Variants in FAF1 observed in about 807,000 individuals in gnomAD.
FAF1 encodes Fas associated factor 1, also known as FAS-associated factor 1.
FAF1 carries 25 observed loss-of-function variants against 92.5 expected under a neutral mutation model. The observed-to-expected ratio is 0.27, with a 90% CI of 0.20 to 0.38. FAF1 has a LOEUF of 0.38. FAF1 is among the 10% of genes least tolerant of loss of function. FAF1 has a pLI of 1.00. For synonymous variants in FAF1, 234 were observed against 273.2 expected (o/e 0.86, Z 1.42); for missense variants, 636 against 793.3 (o/e 0.80, Z 2.38).
intron 2 of FAF1, among the ~76,000 whole-genome samples, chr1:50,823,430 A>T (rs962242029): frequency 6.6e-6 from 1 of 152,206 alleles, no homozygotes; most frequent in Non-Finnish European, 1.5e-5. Flanking sequence ...TAAAATATCT[A>T]CAATATTAAG....
At chr1:50,664,524 C>T (rs1256616662) in intron 7 of FAF1, among the ~76,000 whole-genome samples, 1 of 149,230 alleles carries the variant, frequency 6.7e-6, no homozygotes, top group African/African-American at 2.6e-5. Flanking sequence ...GGGGCGGTGG[C>T]TCATGCCTGT....
chr1:50,485,653 G>A (rs1646756162), intron 17 of FAF1, among the ~76,000 whole-genome samples: 1 of 106,000 alleles, frequency 9.4e-6, no homozygotes, highest in East Asian at 3.2e-4. Context: ...CTGGGCAACA[G>A]AGCGAGACTG....
At chr1:50,860,565 T>A (rs919769736) in intron 1 of FAF1, among the ~76,000 whole-genome samples, 1 of 151,658 alleles carries the variant, frequency 6.6e-6, no homozygotes, top group Non-Finnish European at 1.5e-5. Flanking sequence ...CTCACACCAG[T>A]CAAAGTGACT....
At chr1:50,959,621 C>CCACA in intron 1 of FAF1, 146 bp downstream of exon 1, 4 of 507,574 alleles carry the variant, frequency 7.9e-6, no homozygotes, top group Middle Eastern at 3.2e-4. Context: ...CCATAGCTCG[C>CCACA]CACACACACA....
chr1:50,853,702 T>C (rs921943138), intron 2 of FAF1, among the ~76,000 whole-genome samples: 1 of 152,114 alleles, frequency 6.6e-6, no homozygotes, highest in Non-Finnish European at 1.5e-5. Flanking sequence ...CTGGATCTGC[T>C]ACAGATTATT....
At chr1:50,566,999 A>C in intron 13 of FAF1, 78 bp downstream of exon 13, 1 of 1,122,958 alleles carries the variant, frequency 8.9e-7, no homozygotes, top group Non-Finnish European at 1.2e-6. Context: ...AGGATGAAAA[A>C]TGTTTATGAT....
At chr1:50,696,598 C>G (rs1024299784) in intron 7 of FAF1, among the ~76,000 whole-genome samples, 1 of 152,140 alleles carries the variant, frequency 6.6e-6, no homozygotes, top group Non-Finnish European at 1.5e-5. Flanking sequence ...TCCTTCCTAG[C>G]CTTCATCTAA....
chr1:50,553,118 G>C (rs1649390297), intron 13 of FAF1, among the ~76,000 whole-genome samples: 1 of 152,128 alleles, frequency 6.6e-6, no homozygotes, highest in Admixed American at 6.5e-5. Context: ...ACTGGATATA[G>C]GAAAGGGTAG....
At position 50,892,047 on chromosome 1, in the gene FAF1, C is replaced by T. The variant is rs527304579; in HGVS notation, c.46-34050G>A. Reference sequence around the variant, plus strand: ...CGCCACTTTGTTTACCTACTCAAGCCTCAGCAATGGTGGATGCCCCTCCCC... The same window carrying T: ...CGCCACTTTGTTTACCTACTCAAGCTTCAGCAATGGTGGATGCCCCTCCCC... On this transcript the variant is annotated intron_variant, in intron 1 of 18. Transcript: ENST00000396153. Among the ~76,000 whole-genome samples, 5 of 152,314 alleles carry T rather than the reference C, an allele frequency of 3.3e-5. No individual in the cohort carries two copies. In the East Asian group the frequency reaches 9.6e-4, roughly 29 times the overall value.
chr1:50,606,134 CAGA>C (rs1277918043), intron 8 of FAF1, among the ~76,000 whole-genome samples: 7 of 152,082 alleles, frequency 4.6e-5, no homozygotes, highest in Admixed American at 4.6e-4. Flanking sequence ...GTGTCCTTGC[CAGA>C]AGGATTATCA....
chr1:50,531,516 C>T (rs1414231541), intron 15 of FAF1, among the ~76,000 whole-genome samples: 1 of 152,158 alleles, frequency 6.6e-6, no homozygotes. Context: ...AATGTCGCTA[C>T]TGTAATGTAG....
At chr1:50,764,310 A>G (rs1010788794) in intron 4 of FAF1, among the ~76,000 whole-genome samples, 1 of 152,148 alleles carries the variant, frequency 6.6e-6, no homozygotes, top group African/African-American at 2.4e-5. Context: ...AAGGAATTCA[A>G]TAGTATTCTA....
At chr1:50,462,716 C>CGAA (rs1646448206) in intron 18 of FAF1, among the ~76,000 whole-genome samples, 1 of 152,114 alleles carries the variant, frequency 6.6e-6, no homozygotes, top group Non-Finnish European at 1.5e-5. Flanking sequence ...TTGTGCTTCC[C>CGAA]TCATGATGTC....
chr1:50,556,895 A>G (rs979017151), intron 13 of FAF1, among the ~76,000 whole-genome samples: 2 of 152,070 alleles, frequency 1.3e-5, no homozygotes, highest in African/African-American at 4.8e-5. Context: ...AATAAAATAG[A>G]AAATCAGTTT....
At chr1:50,596,045 A>AT (rs1026844576) in intron 9 of FAF1, 76 bp downstream of exon 9, 54 of 915,792 alleles carry the variant, frequency 5.9e-5, no homozygotes, top group South Asian at 1.0e-4. Flanking sequence ...GCTCTGGCAG[A>AT]TAAAAAAAAA....
intron 4 of FAF1, among the ~76,000 whole-genome samples, chr1:50,748,203 G>A (rs552579404): frequency 6.6e-6 from 1 of 152,154 alleles, no homozygotes; most frequent in African/African-American, 2.4e-5. Flanking sequence ...ACTCTATACA[G>A]TAAAGAAAAA....
intron 4 of FAF1, among the ~76,000 whole-genome samples, chr1:50,783,042 AAAATT>A (rs1360821368): frequency 2.0e-5 from 3 of 152,162 alleles, no homozygotes; most frequent in Non-Finnish European, 4.4e-5. Flanking sequence ...AAAAAACAGA[AAAATT>A]AAATTAAAAA....
At chr1:50,928,061 C>T (rs901878054) in intron 1 of FAF1, among the ~76,000 whole-genome samples, 1 of 152,144 alleles carries the variant, frequency 6.6e-6, no homozygotes, top group African/African-American at 2.4e-5. Flanking sequence ...TGTGATTTTG[C>T]TGAGGTGAGG....
intron 8 of FAF1, among the ~76,000 whole-genome samples, chr1:50,598,019 C>T (rs1483312910): frequency 6.6e-6 from 1 of 152,128 alleles, no homozygotes; most frequent in Non-Finnish European, 1.5e-5. Flanking sequence ...CCTGGCTGGG[C>T]GTGGTGGCTC....
Sources: allele counts gnomAD v4.1 joint callset (sites outside exome capture counted in the v4.1 genomes callset), GRCh38; gene constraint gnomAD v4.1.1; transcripts MANE v1.5; gene names NCBI Gene and HGNC (gene_info 2026-07-23, HGNC 2026-07-21).